ASB5: variants seen among roughly 807,000 people sequenced by gnomAD.
The protein encoded by ASB5 is ankyrin repeat and SOCS box protein 5.
ASB5 carries 45 observed loss-of-function variants against 42.1 expected under a neutral mutation model. That is an observed-to-expected ratio of 1.07 (90% CI 0.84 to 1.37). The LOEUF (loss-of-function observed/expected upper bound fraction) is 1.37. Among genes scored for constraint, ASB5 ranks in the 40% most tolerant of loss-of-function variants. The probability of loss-of-function intolerance (pLI) is 0.00; values close to 1 mark genes in which losing one functional copy is unlikely to be tolerated. For synonymous variants in ASB5, 147 were observed against 150.6 expected, an observed-to-expected ratio of 0.98 and a Z score of 0.18; for missense variants, 402 against 399.8, an observed-to-expected ratio of 1.01 and a Z score of -0.05.
chr4:176,257,849 ACAACTTACTAAGCTCTTTAGAGCTT>A (rs1296825475), intron 1 of ASB5, among the ~76,000 whole-genome samples: 1 of 152,162 alleles, frequency 6.6e-6, no homozygotes, highest in Non-Finnish European at 1.5e-5. Flanking sequence ...GAAAAAACTG[ACAACTTACTAAGCTCTTTAGAGCTT>A]CAGTGAATTG....
chr4:176,235,233 AAC>A (rs1753655777), intron 1 of ASB5, among the ~76,000 whole-genome samples: 1 of 152,220 alleles, frequency 6.6e-6, no homozygotes, highest in African/African-American at 2.4e-5. Flanking sequence ...ATAGTAGCAA[AAC>A]ACAGCAATAC....
chr4:176,271,301 A>G (rs1052720016), upstream of ASB5, among the ~76,000 whole-genome samples: 1 of 152,330 alleles, frequency 6.6e-6, no homozygotes, highest in Non-Finnish European at 1.5e-5. Context: ...TCAAGTGGAA[A>G]TTAGATGCTG....
intron 1 of ASB5, chr4:176,241,346 T>G: frequency 2.5e-6 from 2 of 813,656 alleles, no homozygotes; most frequent in Non-Finnish European, 3.7e-6. Context: ...AGTGTAAGTT[T>G]CCCATCCTTA....
At chr4:176,241,735 C>T (rs1753816144) in intron 1 of ASB5, 2 of 1,143,192 alleles carry the variant, frequency 1.7e-6, no homozygotes, top group African/African-American at 1.6e-5. Context: ...AAAAATTGAG[C>T]AGTTGTTATC....
At chr4:176,224,224 T>TTA (rs1753307694) in intron 2 of ASB5, among the ~76,000 whole-genome samples, 1 of 55,862 alleles carries the variant, frequency 1.8e-5, no homozygotes, top group Non-Finnish European at 4.6e-5. Context: ...GCATTTGATT[T>TTA]TTTTTTTTTT....
At chr4:176,258,802 TAA>T (rs35983768) in intron 1 of ASB5, among the ~76,000 whole-genome samples, 4,565 of 152,276 alleles carry the variant, frequency 0.03, 222 homozygotes, top group African/African-American at 0.1. Flanking sequence ...TGAATTCAAT[TAA>T]GTTTCATAAA....
intron 1 of ASB5, among the ~76,000 whole-genome samples, chr4:176,255,020 CT>C (rs1560819039): frequency 6.6e-6 from 1 of 152,142 alleles, no homozygotes; most frequent in Admixed American, 6.6e-5. Flanking sequence ...ATCCCAGCTA[CT>C]CAGGAGGCTG....
chr4:176,260,338 CAGATTTTTAAAA>C (rs1227084066), intron 1 of ASB5, among the ~76,000 whole-genome samples: 2 of 152,268 alleles, frequency 1.3e-5, no homozygotes, highest in Admixed American at 1.3e-4. Context: ...ATCTATAAGA[CAGATTTTTAAAA>C]TCCTTTTCCA....
chr4:176,264,324 A>C (rs539704923), intron 1 of ASB5, among the ~76,000 whole-genome samples: 3 of 152,296 alleles, frequency 2.0e-5, no homozygotes, highest in African/African-American at 7.2e-5. Context: ...ACATCTCAGA[A>C]GTGGACTTAC....
chr4:176,254,083 A>G (rs1450939478), intron 1 of ASB5, among the ~76,000 whole-genome samples: 6 of 152,222 alleles, frequency 3.9e-5, no homozygotes, highest in African/African-American at 1.4e-4. Flanking sequence ...GAACTATGGA[A>G]CCAAAAAAGA....
chr4:176,221,334 C>A, intron 4 of ASB5, 45 bp from the exon 5 acceptor site: 2 of 1,607,622 alleles, frequency 1.2e-6, no homozygotes, highest in Non-Finnish European at 1.7e-6. Flanking sequence ...CCCATCCACC[C>A]CACACACCTC....
chr4:176,235,655 A>G (rs1483710295), intron 1 of ASB5, among the ~76,000 whole-genome samples: 1 of 152,184 alleles, frequency 6.6e-6, no homozygotes, highest in Admixed American at 6.6e-5. Flanking sequence ...GTGAATAATT[A>G]TCTGCTTAGG....
intron 1 of ASB5, among the ~76,000 whole-genome samples, chr4:176,237,083 T>C (rs1333642157): frequency 6.6e-6 from 1 of 152,214 alleles, no homozygotes; most frequent in African/African-American, 2.4e-5. Context: ...TTTGCAGTCA[T>C]GTTTAATATA....
intron 1 of ASB5, among the ~76,000 whole-genome samples, chr4:176,242,254 G>A (rs1753826303): frequency 6.6e-6 from 1 of 152,142 alleles, no homozygotes; most frequent in South Asian, 2.1e-4. Context: ...AGATGACAAG[G>A]TTACTTATGC....
Position 176,244,138 on chromosome 4 carries a change from A to G in ASB5, c.197-18797T>C, listed in dbSNP as rs568215048. Among the ~76,000 whole-genome samples, 3 of 152,230 alleles carry G rather than the reference A, an allele frequency of 2.0e-5. No homozygotes were observed. The South Asian group carries it at 6.2e-4, about 32-fold the overall frequency. On this transcript the variant is annotated intron_variant, in intron 1 of 6. Coordinates refer to ENST00000296525, the MANE Select transcript of ASB5 (RefSeq NM_080874.4). ...TTCTTTTGTTCTTTTAAATTTTTTTATAATCCCATATTTCTCGCTTCTACT... is the reference window on the plus strand; with the variant it reads ...TTCTTTTGTTCTTTTAAATTTTTTTGTAATCCCATATTTCTCGCTTCTACT...
chr4:176,271,379 T>C (rs140240966), upstream of ASB5, among the ~76,000 whole-genome samples: 1 of 152,200 alleles, frequency 6.6e-6, no homozygotes, highest in Non-Finnish European at 1.5e-5. Flanking sequence ...AAAAGACACA[T>C]AACCACATTA....
At chr4:176,272,027 G>A (rs1023110184), upstream of ASB5, among the ~76,000 whole-genome samples, 10 of 152,000 alleles carry the variant, frequency 6.6e-5, no homozygotes, top group Non-Finnish European at 2.9e-5. Flanking sequence ...ATGTAATCAG[G>A]AACCTAAATT....
chr4:176,234,135 A>G (rs1753622143), intron 1 of ASB5, among the ~76,000 whole-genome samples: 1 of 152,228 alleles, frequency 6.6e-6, no homozygotes, highest in South Asian at 2.1e-4. Context: ...GTTTCTGCCC[A>G]TGCCCTTCCA....
At chr4:176,237,328 T>C (rs1271340297) in intron 1 of ASB5, 18 of 985,892 alleles carry the variant, frequency 1.8e-5, no homozygotes, top group Non-Finnish European at 2.2e-5. Flanking sequence ...TAGCTTTTCG[T>C]TTAGAAGAAC....
Sources: gnomAD v4.1 joint callset for allele counts (sites outside exome capture counted in the v4.1 genomes callset) on GRCh38, gnomAD v4.1.1 for gene constraint, MANE v1.5 for transcripts, NCBI Gene and HGNC (gene_info 2026-07-23, HGNC 2026-07-21) for gene names.